SLC22A3: variants seen among roughly 807,000 people sequenced by gnomAD.
The protein encoded by SLC22A3 is solute carrier family 22 member 3, also known as EMT organic cation transporter 3.
SLC22A3 carries 51 observed loss-of-function variants against 59.1 expected under a neutral mutation model. The observed-to-expected ratio is 0.86, with a 90% CI of 0.69 to 1.09. The LOEUF (loss-of-function observed/expected upper bound fraction) is 1.09, where lower values mean the gene tolerates loss of function less well. Ranked by LOEUF, SLC22A3 falls within the 50% of genes least tolerant of loss-of-function variation. The pLI is 0.00. For synonymous variants in SLC22A3, 325 were observed against 292.0 expected (o/e 1.11, Z -1.15); for missense variants, 711 against 726.3 (o/e 0.98, Z 0.24).
At chr6:160,447,261 G>A (rs1788779505) in intron 9 of SLC22A3, among the ~76,000 whole-genome samples, 1 of 152,142 alleles carries the variant, frequency 6.6e-6, no homozygotes, top group Non-Finnish European at 1.5e-5. Context: ...CAAAGAGACA[G>A]GCCTAGGAGA....
At chr6:160,437,338 C>T (rs1788381778) in intron 7 of SLC22A3, 127 bp downstream of exon 7, 1 of 945,708 alleles carries the variant, frequency 1.1e-6, no homozygotes, top group Non-Finnish European at 1.7e-6. Context: ...TGATGTCACT[C>T]CATTTTCTGC....
chr6:160,400,164 T>C (rs1000036580), intron 2 of SLC22A3, among the ~76,000 whole-genome samples: 1 of 147,854 alleles, frequency 6.8e-6, no homozygotes, highest in Non-Finnish European at 1.5e-5. Flanking sequence ...AAATCCCTCA[T>C]GCTCTGGCAG....
chr6:160,367,459 T>C (rs766068508), intron 1 of SLC22A3, among the ~76,000 whole-genome samples: 1 of 152,152 alleles, frequency 6.6e-6, no homozygotes, highest in Non-Finnish European at 1.5e-5. Context: ...TACTGAAGCA[T>C]TTTCCCCTCC....
chr6:160,398,113 CACT>C (rs1786588501), intron 2 of SLC22A3, 31 bp downstream of exon 2: 1 of 1,412,906 alleles, frequency 7.1e-7, no homozygotes, highest in Admixed American at 1.7e-5. Context: ...CATTTTATGT[CACT>C]ATAATACCAT....
intron 1 of SLC22A3, among the ~76,000 whole-genome samples, chr6:160,367,659 GC>G (rs1785252936): frequency 1.3e-5 from 2 of 152,184 alleles, no homozygotes; most frequent in South Asian, 4.1e-4. Flanking sequence ...CATCCTGGAA[GC>G]CCTGCCTTGG....
Position 160,365,326 on chromosome 6 carries a change from T to G in SLC22A3, c.429+16478T>G, listed in dbSNP as rs1386572405. On this transcript the variant is annotated intron_variant, in intron 1 of 10. Transcript: ENST00000275300. ...AGTTAAGATGTCATGAAAAATTGTT[T>G]CCTTGCAAGGTCTGCCACACCCTAA... is the stretch of plus-strand genomic sequence containing the variant. Among the ~76,000 whole-genome samples the G allele has an allele frequency of 2.0e-5, 3 of 152,178 alleles. No homozygotes were observed. In the East Asian group the frequency reaches 5.8e-4, roughly 29 times the overall value.
intron 7 of SLC22A3, among the ~76,000 whole-genome samples, chr6:160,438,994 T>C (rs577863965): frequency 6.6e-6 from 1 of 152,126 alleles, no homozygotes; most frequent in Non-Finnish European, 1.5e-5. Context: ...TATTTCCAAA[T>C]GTAGTAGCCT....
At chr6:160,364,308 C>T (rs1004271866) in intron 1 of SLC22A3, among the ~76,000 whole-genome samples, 1 of 152,154 alleles carries the variant, frequency 6.6e-6, no homozygotes. Context: ...AAGGTGAGAG[C>T]TTTTCAATAC....
intron 1 of SLC22A3, among the ~76,000 whole-genome samples, chr6:160,364,826 A>G (rs1785148011): frequency 6.6e-6 from 1 of 152,134 alleles, no homozygotes; most frequent in Admixed American, 6.5e-5. Flanking sequence ...AGAAACCTAC[A>G]ATTACCTTCC....
chr6:160,373,638 G>A (rs1258812180), intron 1 of SLC22A3, among the ~76,000 whole-genome samples: 2 of 152,212 alleles, frequency 1.3e-5, no homozygotes, highest in Non-Finnish European at 2.9e-5. Flanking sequence ...CTCTGTCCCA[G>A]GGAGATGGGA....
At chr6:160,398,480 A>G (rs999532487) in intron 2 of SLC22A3, among the ~76,000 whole-genome samples, 1 of 152,178 alleles carries the variant, frequency 6.6e-6, no homozygotes, top group African/African-American at 2.4e-5. Context: ...GCCTATTCCA[A>G]ATTTGTTTCA....
intron 1 of SLC22A3, among the ~76,000 whole-genome samples, chr6:160,393,232 G>A (rs1384418691): frequency 1.3e-5 from 2 of 151,872 alleles, no homozygotes; most frequent in Admixed American, 6.6e-5. Flanking sequence ...CCTATGGTCT[G>A]AGGAGCAAAT....
chr6:160,400,984 GAAAAA>G (rs58532600), intron 2 of SLC22A3, among the ~76,000 whole-genome samples: 2 of 78,524 alleles, frequency 2.5e-5, no homozygotes, highest in African/African-American at 5.4e-5. Context: ...CTCCAAAACT[GAAAAA>G]AAAAAAAAAA....
intron 1 of SLC22A3, among the ~76,000 whole-genome samples, chr6:160,377,062 G>A (rs1785622530): frequency 1.3e-5 from 2 of 152,192 alleles, no homozygotes; most frequent in South Asian, 4.1e-4. Flanking sequence ...AAGAATTTGG[G>A]AAAGATGCTG....
At chr6:160,378,286 T>C (rs1785670019) in intron 1 of SLC22A3, among the ~76,000 whole-genome samples, 1 of 152,252 alleles carries the variant, frequency 6.6e-6, no homozygotes, top group Non-Finnish European at 1.5e-5. Context: ...ATTTAAATTC[T>C]GTAGGCTAGT....
At chr6:160,398,172 A>G (rs1562484310) in intron 2 of SLC22A3, 90 bp downstream of exon 2, 4 of 987,296 alleles carry the variant, frequency 4.1e-6, no homozygotes, top group Non-Finnish European at 4.8e-6. Flanking sequence ...TATTAAAACA[A>G]TATTTTTGCT....
At chr6:160,350,896 C>T (rs145685524) in intron 1 of SLC22A3, among the ~76,000 whole-genome samples, 290 of 152,224 alleles carry the variant, frequency 1.9e-3, no homozygotes, top group African/African-American at 6.3e-3. Context: ...GTGAGTTACT[C>T]GCCTTCTCTG....
At chr6:160,442,927 G>A in intron 8 of SLC22A3, 58 bp downstream of exon 8, 1 of 1,309,450 alleles carries the variant, frequency 7.6e-7, no homozygotes, top group Non-Finnish European at 1.1e-6. Context: ...AGCGTTTTAA[G>A]TTGATTTAGT....
chr6:160,376,432 A>G (rs1785596557), intron 1 of SLC22A3, among the ~76,000 whole-genome samples: 1 of 152,132 alleles, frequency 6.6e-6, no homozygotes, highest in Admixed American at 6.5e-5. Flanking sequence ...TAAAATATAG[A>G]TCATGGGTTG....
Sources: allele counts gnomAD v4.1 joint callset (sites outside exome capture counted in the v4.1 genomes callset), GRCh38; gene constraint gnomAD v4.1.1; transcripts MANE v1.5; gene names NCBI Gene and HGNC (gene_info 2026-07-23, HGNC 2026-07-21).